PGM1: variants seen among roughly 807,000 people sequenced by gnomAD.
PGM1 encodes phosphoglucomutase-1.
Under a neutral mutation model 55.6 loss-of-function variants are expected in PGM1, and 52 were observed. The ratio of observed to expected loss-of-function variants is 0.94; its 90% confidence interval spans 0.75 to 1.18. The LOEUF (loss-of-function observed/expected upper bound fraction) is 1.18. Among genes scored for constraint, PGM1 ranks in the 50% most tolerant of loss-of-function variants. PGM1 has a pLI of 0.00. For missense variants in PGM1, 724 were observed against 729.3 expected, an observed-to-expected ratio of 0.99 and a Z score of 0.08; for synonymous variants, 287 against 271.7, an observed-to-expected ratio of 1.06 and a Z score of -0.55.
At chr1:63,610,004 A>G (rs1247699841) in intron 1 of PGM1, among the ~76,000 whole-genome samples, 3 of 152,232 alleles carry the variant, frequency 2.0e-5, no homozygotes, top group African/African-American at 7.2e-5. Context: ...ACCTCAGTTC[A>G]TAGTAGTGGG....
At chr1:63,634,739 A>T in intron 4 of PGM1, 90 bp from the exon 5 acceptor site, 1 of 1,052,012 alleles carries the variant, frequency 9.5e-7, no homozygotes, top group Non-Finnish European at 1.5e-6. Context: ...TCTTCTCCCC[A>T]GAATGCATCC....
chr1:63,629,534 A>G lies in PGM1; in HGVS notation c.356A>G (p.Asn119Ser), dbSNP rs1213089649. The G allele has an allele frequency of 3.1e-6, 5 of 1,613,926 alleles. No individual in the cohort carries two copies. Among genetic ancestry groups the G allele is most frequent in the Middle Eastern group, 1.7e-4 (1 of 6,058 alleles). The change falls in exon 2 of 11, where the codon AAC becomes AGC. Residue 119 changes from asparagine (N) to serine (S), a missense_variant. Around this residue, in one of 3 missense-constraint regions of PGM1, gnomAD observed 379 missense variants for 357.5 expected, o/e 1.06. Transcript: ENST00000371084. ...GGGATCATTCTGACAGCCAGTCACA[A>G]CCCAGGGGGCCCCAATGGAGATTTT... ...IGGIILTASH[N>S]PGGPNGDFGI...
At position 63,648,649 on chromosome 1, in the gene PGM1, C is replaced by G. The variant is rs1400763909; in HGVS notation, c.1277C>G (p.Thr426Ser). ...CAAAAGTATGGCCGGAATTTCTTCA[C>G]CAGGTGAGCCACAGCCCAGCTGGGG... ...HWQKYGRNFF[T>S]RYDYEEVEAE... is the part of the protein sequence containing the mutation. Residue 426 changes from threonine (T) to serine (S), a missense_variant, in exon 8 of 11, where the codon ACC becomes AGC. This residue lies in a region of PGM1 where 316 missense variants were observed against 313.1 expected (regional missense o/e 1.01). Transcript: ENST00000371084. The G allele has an allele frequency of 6.2e-7, 1 of 1,613,872 alleles. No homozygotes were observed. Among genetic ancestry groups the G allele is most frequent in the South Asian group, 1.1e-5 (1 of 91,072 alleles).
At chr1:63,600,122 C>T (rs1165646002) in intron 1 of PGM1, 2 of 152,180 alleles carry the variant, frequency 1.3e-5, no homozygotes, top group Non-Finnish European at 2.9e-5. Context: ...AGGAAGGGGA[C>T]CTGCCGAGAG....
intron 10 of PGM1, among the ~76,000 whole-genome samples, chr1:63,659,103 G>A (rs1257518390): frequency 6.6e-6 from 1 of 152,180 alleles, no homozygotes; most frequent in Admixed American, 6.5e-5. Flanking sequence ...GGAGCTACAA[G>A]ATGAGATTTG....
Position 63,632,504 on chromosome 1 carries a change from C to G in PGM1, c.682+722C>G, listed in dbSNP as rs189586113. The stretch of plus-strand genomic sequence containing the variant: ...CTGCTGGTGAACTAAAACCTTCCAT[C>G]CTTGAAACTTCTCCCCTTGGGTCCT... On this transcript the variant is annotated intron_variant, in intron 4 of 10. Coordinates refer to ENST00000371084, the MANE Select transcript of PGM1 (RefSeq NM_002633.3). Among the ~76,000 whole-genome samples the G allele has an allele frequency of 1.6e-4, 24 of 152,306 alleles. No individual in the cohort carries two copies. The East Asian group carries it at 2.7e-3, about 17-fold the overall frequency.
In PGM1 at chr1:63,659,589, A is replaced by G. The variant is rs144532775; in HGVS notation, c.1603A>G (p.Met535Val). The G allele has an allele frequency of 1.9e-6, 3 of 1,613,532 alleles. No individual in the cohort carries two copies. Among genetic ancestry groups the G allele is most frequent in the African/African-American group, 2.7e-5 (2 of 74,982 alleles). Residue 535 changes from methionine (M) to valine (V), a missense_variant, in exon 11 of 11, where the codon ATG becomes GTG. By Grantham distance (21) the Met-to-Val change is conservative. Coordinates refer to ENST00000371084, the MANE Select transcript of PGM1 (RefSeq NM_002633.3). ...CTTCTCTCTATGTCTTCCTCAGGTC[A>G]TGTTGGCCCCCCTTATTTCCATTGC... ...VAKINQDPQV[M>V]LAPLISIALK... is the part of the protein sequence containing the mutation.
chr1:63,622,057 G>A (rs985637678), intron 1 of PGM1, among the ~76,000 whole-genome samples: 1 of 152,088 alleles, frequency 6.6e-6, no homozygotes, highest in Non-Finnish European at 1.5e-5. Context: ...TGCATGTTTG[G>A]TCTGTTGTCC....
At position 63,649,173 on chromosome 1, in the gene PGM1, G is replaced by A. The variant is rs148774922; in HGVS notation, c.1280+521G>A. On this transcript the variant is annotated intron_variant, in intron 8 of 10. Transcript: ENST00000371084. ...GAAACAGTTATGCTTAGTCCACATCGACTTTTCTGCCTTGTGAAATAGGTC... is the reference window on the plus strand; with the variant it reads ...GAAACAGTTATGCTTAGTCCACATCAACTTTTCTGCCTTGTGAAATAGGTC... 3.8e-3 allele frequency among the ~76,000 whole-genome samples: 571 copies of A among 152,202 alleles called. 5 individuals are homozygous for A. The highest frequency in any genetic ancestry group is 0.012 in the African/African-American group (507 of 41,550).
chr1:63,648,406 C>T, intron 7 of PGM1, 111 bp from the exon 8 acceptor site: 1 of 1,177,108 alleles, frequency 8.5e-7, no homozygotes. Flanking sequence ...CATCACGTCC[C>T]TCCCTCAACA....
intron 1 of PGM1, among the ~76,000 whole-genome samples, chr1:63,615,550 CTTTTTTTTTTTTTTTTT>C (rs1161161385): frequency 1.6e-5 from 1 of 62,976 alleles, no homozygotes; most frequent in African/African-American, 6.7e-5. Flanking sequence ...TCTTCTTCTT[CTTTTTTTTTTTTTTTTT>C]TTTTTTTTTT....
chr1:63,633,924 ATATATATATT>A (rs1557433690), intron 4 of PGM1, among the ~76,000 whole-genome samples: 1 of 67,358 alleles, frequency 1.5e-5, no homozygotes, highest in African/African-American at 9.0e-5. Context: ...GTGTGTATAT[ATATATATATT>A]TTTTTTTTTT....
At chr1:63,626,451 T>C (rs545156018) in intron 1 of PGM1, among the ~76,000 whole-genome samples, 15 of 152,264 alleles carry the variant, frequency 9.9e-5, no homozygotes, top group African/African-American at 3.4e-4. Flanking sequence ...AGTTACCTCA[T>C]AGAAGCAGAA....
At chr1:63,618,534 C>G (rs1405905219) in intron 1 of PGM1, among the ~76,000 whole-genome samples, 1 of 152,188 alleles carries the variant, frequency 6.6e-6, no homozygotes, top group Admixed American at 6.5e-5. Context: ...GTTTTCCCCC[C>G]CTTACTCCAA....
At chr1:63,642,043 G>A (rs1473021556) in intron 7 of PGM1, among the ~76,000 whole-genome samples, 2 of 152,110 alleles carry the variant, frequency 1.3e-5, no homozygotes, top group East Asian at 1.9e-4. Flanking sequence ...CTCACCTCTT[G>A]CCGTAGTCTG....
intron 7 of PGM1, among the ~76,000 whole-genome samples, chr1:63,647,463 T>C (rs1016440954): frequency 2.0e-5 from 3 of 148,768 alleles, no homozygotes; most frequent in African/African-American, 7.3e-5. Context: ...GTGTTTTCTT[T>C]TATGAATACC....
intron 1 of PGM1, among the ~76,000 whole-genome samples, chr1:63,618,819 C>T (rs1037948488): frequency 6.6e-6 from 1 of 152,036 alleles, no homozygotes; most frequent in Admixed American, 6.6e-5. Flanking sequence ...CCCCTGTTCC[C>T]GATTCTCAGG....
chr1:63,654,281 C>G (rs2101003056), intron 9 of PGM1, 51 bp from the exon 10 acceptor site: 7 of 1,601,292 alleles, frequency 4.4e-6, no homozygotes, highest in Middle Eastern at 1.7e-4. Flanking sequence ...AATTTGCCAG[C>G]CTTCAGTCTC....
At chr1:63,620,931 T>G (rs1299449076) in intron 1 of PGM1, among the ~76,000 whole-genome samples, 1 of 152,236 alleles carries the variant, frequency 6.6e-6, no homozygotes, top group Non-Finnish European at 1.5e-5. Flanking sequence ...GTTCAACCTT[T>G]GCTGGAGAGC....
Sources: allele counts gnomAD v4.1 joint callset (sites outside exome capture counted in the v4.1 genomes callset), GRCh38; gene constraint gnomAD v4.1.1; regional missense constraint gnomAD v4.1.1; transcripts MANE v1.5; gene names NCBI Gene and HGNC (gene_info 2026-07-23, HGNC 2026-07-21).